VCL: variants seen among roughly 807,000 people sequenced by gnomAD.
VCL encodes vinculin.
VCL carries 47 observed loss-of-function variants against 125.7 expected under a neutral mutation model. That is an observed-to-expected ratio of 0.37 (90% confidence interval 0.30 to 0.48). The LOEUF is 0.48. Among genes scored for constraint, VCL ranks in the 20% least tolerant of loss-of-function variants. VCL has a pLI of 0.99. For missense variants in VCL, 1,069 were observed against 1,455.5 expected, an observed-to-expected ratio of 0.73 and a Z score of 4.32; for synonymous variants, 458 against 514.6, an observed-to-expected ratio of 0.89 and a Z score of 1.49.
At chr10:74,042,707 G>A (rs1841117675) in intron 1 of VCL, among the ~76,000 whole-genome samples, 1 of 152,072 alleles carries the variant, frequency 6.6e-6, no homozygotes, top group African/African-American at 2.4e-5. Context: ...TGTATAGATA[G>A]TTTTGTCTGT....
chr10:74,023,581 G>A (rs1840714291), intron 1 of VCL, among the ~76,000 whole-genome samples: 1 of 152,220 alleles, frequency 6.6e-6, no homozygotes, highest in Admixed American at 6.5e-5. Context: ...CTGGGAATAA[G>A]TTATCTGAGA....
chr10:74,007,480 C>T (rs1024377840), intron 1 of VCL, among the ~76,000 whole-genome samples: 1 of 152,018 alleles, frequency 6.6e-6, no homozygotes, highest in Non-Finnish European at 1.5e-5. Flanking sequence ...CAATATGCCT[C>T]TCCGGGTTAT....
At chr10:74,063,069 A>G (rs137961314) in intron 2 of VCL, among the ~76,000 whole-genome samples, 1 of 151,718 alleles carries the variant, frequency 6.6e-6, no homozygotes, top group East Asian at 2.0e-4. Context: ...GACTTTGTCT[A>G]AAAAAAAGAA....
chr10:74,121,275 C>A (rs1359397443), downstream of VCL: 2 of 152,140 alleles, frequency 1.3e-5, no homozygotes, highest in Non-Finnish European at 2.9e-5. Context: ...AGGACAAGAT[C>A]AGCATTTTCC....
rs1020266940 is a variant in VCL at position 74,108,863 on chromosome 10, G to T, written c.2560-108G>T. The T allele has an allele frequency of 2.7e-5, 33 of 1,233,132 alleles. No individual in the cohort carries two copies. In the Admixed American group the frequency reaches 5.6e-4, roughly 21 times the overall value. 76.4% of individuals were successfully genotyped at this position (1,233,132 alleles called of 1,614,324 possible). A position where few individuals can be genotyped will look rare whatever the true frequency, so the allele number is the denominator to read the frequency against. On this transcript the variant is annotated intron_variant, in intron 17 of 21. Transcript: ENST00000211998. ...TGGCTCAGTGTGGGTGGTCTTATGT[G>T]GAGTCAATATGGGTGGGTTTTCTAG...
intron 19 of VCL, among the ~76,000 whole-genome samples, chr10:74,113,060 A>G (rs1444417186): frequency 6.6e-6 from 1 of 152,168 alleles, no homozygotes. Context: ...GAACCGCTTC[A>G]TGGTGCCTGT....
At chr10:74,007,759 G>T (rs1274293760) in intron 1 of VCL, among the ~76,000 whole-genome samples, 3 of 152,066 alleles carry the variant, frequency 2.0e-5, no homozygotes, top group African/African-American at 7.2e-5. Flanking sequence ...GCCTCCCGAA[G>T]TACTGGGATT....
intron 1 of VCL, among the ~76,000 whole-genome samples, chr10:74,000,174 CT>C (rs1840200154): frequency 7.7e-6 from 1 of 129,732 alleles, no homozygotes; most frequent in Non-Finnish European, 1.6e-5. Flanking sequence ...TGCTTCTCAG[CT>C]TAAGAGTGTT....
At chr10:74,010,548 A>G (rs775029033) in intron 1 of VCL, among the ~76,000 whole-genome samples, 3 of 152,046 alleles carry the variant, frequency 2.0e-5, no homozygotes, top group Non-Finnish European at 4.4e-5. Flanking sequence ...CTTGATTTGC[A>G]TCATTTTTTC....
intron 2 of VCL, among the ~76,000 whole-genome samples, chr10:74,057,955 A>C (rs940522674): frequency 1.3e-5 from 2 of 152,216 alleles, no homozygotes; most frequent in African/African-American, 2.4e-5. Context: ...AAGCACTTAA[A>C]TAGACCACCA....
chr10:74,070,883 A>G, intron 3 of VCL, 63 bp downstream of exon 3: 4 of 1,612,442 alleles, frequency 2.5e-6, no homozygotes, highest in Non-Finnish European at 3.4e-6. Flanking sequence ...ATGATTGTTT[A>G]GAATGAAAAT....
At chr10:74,086,002 G>C (rs1030393063) in intron 8 of VCL, among the ~76,000 whole-genome samples, 2 of 152,180 alleles carry the variant, frequency 1.3e-5, no homozygotes, top group East Asian at 3.9e-4. Flanking sequence ...TGAGTACCTG[G>C]GATTACAGGC....
At position 74,018,177 on chromosome 10, in the gene VCL, GATATAT is replaced by G. The variant is rs72407698; in HGVS notation, c.168+19822_168+19827del. On this transcript the variant is annotated intron_variant, in intron 1 of 21. Transcript: ENST00000211998. ...TGGTAAAATGTGAGGATATATATAG[GATATAT>G]ATATATATATATATATATAAATACA... is the stretch of plus-strand genomic sequence containing the variant. Among the ~76,000 whole-genome samples the G allele has an allele frequency of 1.0e-3, 82 of 81,882 alleles. 7 individuals carry two copies. Among genetic ancestry groups the G allele is most frequent in the Admixed American group, 3.9e-3 (25 of 6,356 alleles). The allele number at this position is 81,882 out of a possible 152,430, so 53.7% of individuals were successfully genotyped here.
intron 6 of VCL, chr10:74,076,279 T>C (rs1163873720): frequency 6.5e-6 from 1 of 152,752 alleles, no homozygotes; most frequent in Admixed American, 6.5e-5. Flanking sequence ...CTGGGGAGAC[T>C]GACTGTGGCT....
intron 1 of VCL, among the ~76,000 whole-genome samples, chr10:74,006,252 G>T (rs150553792): frequency 1.2e-4 from 18 of 152,292 alleles, no homozygotes; most frequent in African/African-American, 3.4e-4. Context: ...GGAACTCAAG[G>T]ATATGCAGGG....
At chr10:74,111,882 T>C in intron 18 of VCL, 27 bp from the exon 19 acceptor site, 1 of 1,613,900 alleles carries the variant, frequency 6.2e-7, no homozygotes, top group South Asian at 1.1e-5. Flanking sequence ...CTATCCCTAT[T>C]TCTCATCCTT....
chr10:74,112,191 T>TG, intron 19 of VCL, 79 bp downstream of exon 19: 1 of 1,556,430 alleles, frequency 6.4e-7, no homozygotes, highest in Non-Finnish European at 8.8e-7. Context: ...GCATCACTCA[T>TG]GATCTGTGCT....
intron 15 of VCL, among the ~76,000 whole-genome samples, chr10:74,104,348 A>G (rs1419208433): frequency 6.6e-6 from 1 of 152,182 alleles, no homozygotes; most frequent in Non-Finnish European, 1.5e-5. Context: ...ACTTGTCTCA[A>G]AGTTTCCTCC....
At chr10:74,111,668 C>T (rs970703298) in intron 18 of VCL, among the ~76,000 whole-genome samples, 3 of 152,098 alleles carry the variant, frequency 2.0e-5, no homozygotes, top group Non-Finnish European at 4.4e-5. Context: ...TCTCTAGAAG[C>T]CCTTTGCCAT....
Sources: gnomAD v4.1 joint callset for allele counts (sites outside exome capture counted in the v4.1 genomes callset) on GRCh38, gnomAD v4.1.1 for gene constraint, MANE v1.5 for transcripts, NCBI Gene and HGNC (gene_info 2026-07-23, HGNC 2026-07-21) for gene names.